COL12A1: variants seen among roughly 807,000 people sequenced by gnomAD.
COL12A1 encodes collagen type XII alpha 1 chain.
COL12A1 carries 114 observed loss-of-function variants against 349.7 expected under a neutral mutation model. The observed-to-expected ratio is 0.33, with a 90% CI of 0.28 to 0.38. The LOEUF (loss-of-function observed/expected upper bound fraction) is 0.38. Among genes scored for constraint, COL12A1 ranks in the 10% least tolerant of loss-of-function variants. COL12A1 has a pLI of 1.00. For missense variants in COL12A1, 3,284 were observed against 3,756.9 expected, an observed-to-expected ratio of 0.87 and a Z score of 3.29; for synonymous variants, 1,369 against 1,329.0, an observed-to-expected ratio of 1.03 and a Z score of -0.66.
chr6:75,201,956 G>A (rs988906606), intron 2 of COL12A1, among the ~76,000 whole-genome samples: 1 of 152,244 alleles, frequency 6.6e-6, no homozygotes, highest in Non-Finnish European at 1.5e-5. Context: ...GCAGGATGGA[G>A]CAAGGGCAGG....
chr6:75,103,032 G>A (rs1768377357), intron 55 of COL12A1, among the ~76,000 whole-genome samples: 1 of 152,008 alleles, frequency 6.6e-6, no homozygotes, highest in Non-Finnish European at 1.5e-5. Context: ...TTTATTTTAA[G>A]CTAGTCCTCA....
intron 27 of COL12A1, 89 bp downstream of exon 27, chr6:75,141,943 A>G (rs1766910939): frequency 6.7e-7 from 1 of 1,503,372 alleles, no homozygotes; most frequent in Admixed American, 1.8e-5. Flanking sequence ...CAAAGGTAGC[A>G]TTAAGAAACA....
chr6:75,131,925 G>T lies in COL12A1; in HGVS notation c.5937+15C>A. The T allele has an allele frequency of 6.2e-7, 1 of 1,612,900 alleles. No individual in the cohort carries two copies. The highest frequency in any genetic ancestry group is 1.1e-5 in the South Asian group (1 of 90,844). On this transcript the variant is annotated intron_variant, in intron 35 of 65. Coordinates refer to ENST00000322507, the MANE Select transcript of COL12A1 (RefSeq NM_004370.6). The stretch of plus-strand genomic sequence containing the variant: ...ATTCACCAGGAAATGCAGTTTCCAT[G>T]ACAAAATTACTTACAGATTCTGAGG...
chr6:75,156,540 A>G lies in COL12A1; in HGVS notation c.2984-17T>C, dbSNP rs1767777917. ...CTTGAGATACTGGGAGATAAAAGGA[A>G]GATTAAACTGTATACCATGTTGAAA... On this transcript the variant is annotated splice_polypyrimidine_tract_variant and intron_variant, in intron 14 of 65. Coordinates refer to ENST00000322507, the MANE Select transcript of COL12A1 (RefSeq NM_004370.6). 6.2e-7 allele frequency: 1 copy of G among 1,611,594 alleles called. No individual in the cohort carries two copies. The highest frequency in any genetic ancestry group is 1.3e-5 in the African/African-American group (1 of 74,856).
Position 75,184,030 on chromosome 6 carries a change from A to G in COL12A1, c.1112T>C (p.Met371Thr). ...VTGYKVILTP[M>T]TAGSRQHALS... The stretch of plus-strand genomic sequence containing the variant: ...AGCGTGCTGTCGGCTTCCTGCAGTC[A>G]TTGGTGTGAGGATGACTTTGTAGCC... Residue 371 changes from methionine to threonine, a missense_variant, in exon 9 of 66, where the codon ATG becomes ACG. Around this residue, in one of 2 missense-constraint regions of COL12A1, gnomAD observed 2,601 missense variants for 2,824.8 expected, o/e 0.92. Transcript: ENST00000322507. 1.2e-6 allele frequency: 2 copies of G among 1,614,138 alleles called. No homozygotes were observed. Among genetic ancestry groups the G allele is most frequent in the Non-Finnish European group, 1.7e-6 (2 of 1,180,028 alleles).
chr6:75,097,803 G>T (rs540522262), intron 58 of COL12A1, among the ~76,000 whole-genome samples: 2 of 152,154 alleles, frequency 1.3e-5, no homozygotes, highest in African/African-American at 4.8e-5. Context: ...TCCTTTGTCT[G>T]CTGGGAATTG....
intron 51 of COL12A1, 79 bp downstream of exon 51, chr6:75,113,125 A>T: frequency 1.4e-6 from 1 of 718,612 alleles, no homozygotes; most frequent in Non-Finnish European, 2.1e-6. Context: ...CTGCCAATTT[A>T]ACATGACATT....
chr6:75,116,201 C>T, intron 47 of COL12A1, 144 bp from the exon 48 acceptor site: 2 of 794,074 alleles, frequency 2.5e-6, no homozygotes, highest in Non-Finnish European at 2.0e-6. Context: ...ATATTTTATA[C>T]ATTATTTCTT....
chr6:75,165,227 CT>C (rs1251847878), intron 14 of COL12A1, among the ~76,000 whole-genome samples: 1 of 151,484 alleles, frequency 6.6e-6, no homozygotes. Context: ...AGCTTCTGGT[CT>C]TTTTACTAGT....
chr6:75,119,795 G>A (rs1454115087), intron 44 of COL12A1, among the ~76,000 whole-genome samples: 2 of 152,194 alleles, frequency 1.3e-5, no homozygotes, highest in African/African-American at 4.8e-5. Context: ...GATTAGACAT[G>A]AGAACATACC....
intron 64 of COL12A1, 91 bp downstream of exon 64, chr6:75,089,013 AAG>A: frequency 1.0e-6 from 1 of 994,808 alleles, no homozygotes; most frequent in Admixed American, 2.4e-5. Context: ...AAACAAAAAA[AAG>A]AATAACAGGA....
At chr6:75,151,057 T>TGGGC in intron 21 of COL12A1, 84 bp downstream of exon 21, 5 of 426,060 alleles carry the variant, frequency 1.2e-5, no homozygotes, top group Non-Finnish European at 2.3e-5. Flanking sequence ...CACAAAATAG[T>TGGGC]GCCCTCCCCC....
intron 14 of COL12A1, among the ~76,000 whole-genome samples, chr6:75,159,554 T>C (rs1268642905): frequency 6.6e-6 from 1 of 151,106 alleles, no homozygotes; most frequent in East Asian, 1.9e-4. Context: ...AATAATCTAT[T>C]TGGATTATTA....
rs572216195 is a variant in COL12A1 at position 75,189,294 on chromosome 6, G to A, written c.746C>T (p.Thr249Met). The part of the protein sequence containing the change: ...VGFPKVAIII[T>M]DGKSQDEVEI... ...CACTTCATCCTGGGATTTTCCATCC[G>A]TAATAATAATTGCCACTTTAGGAAA... The change falls in exon 7 of 66, where the codon ACG becomes ATG. Residue 249 changes from threonine to methionine, a missense_variant. Physicochemically the swap from Thr to Met is moderately conservative, Grantham distance 81 (BLOSUM62 -1). This residue lies in a region of COL12A1 where 2,601 missense variants were observed against 2,824.8 expected (regional missense o/e 0.92). Transcript: ENST00000322507. 25 of 1,613,046 alleles carry A rather than the reference G, an allele frequency of 1.5e-5. No individual in the cohort carries two copies. Among genetic ancestry groups the A allele is most frequent in the East Asian group, 8.9e-5 (4 of 44,840 alleles).
chr6:75,178,056 T>C, intron 11 of COL12A1, 121 bp from the exon 12 acceptor site: 1 of 927,876 alleles, frequency 1.1e-6, no homozygotes, highest in Non-Finnish European at 1.6e-6. Flanking sequence ...CCATGAGCAA[T>C]TTATTTGCAA....
chr6:75,122,742 A>G (rs932092263), intron 43 of COL12A1, among the ~76,000 whole-genome samples: 1 of 152,254 alleles, frequency 6.6e-6, no homozygotes, highest in Non-Finnish European at 1.5e-5. Flanking sequence ...GCATATGAGA[A>G]AAGAATAATA....
At chr6:75,117,578 T>C (rs1193522552) in intron 46 of COL12A1, 32 bp from the exon 47 acceptor site, 2 of 1,598,812 alleles carry the variant, frequency 1.3e-6, no homozygotes, top group Admixed American at 1.7e-5. Flanking sequence ...ATGAATCACG[T>C]ATCTCTTTTT....
rs1213911974 is a variant in COL12A1, at chr6:75,128,385, G to C, written c.6251C>G (p.Pro2084Arg). 6.2e-7 allele frequency: 1 copy of C among 1,608,290 alleles called. No homozygotes were observed. The highest frequency in any genetic ancestry group is 1.7e-5 in the Admixed American group (1 of 59,280). ...PGRRNNVILQ[P>R]LQPDTPYKIT... ...TTTATATGGAGTGTCAGGTTGCAGG[G>C]GCTGCAGTATTACATTGTTTCTTCT... Residue 2084 changes from proline (P) to arginine (R), a missense_variant, in exon 38 of 66, where the codon CCC (proline) becomes CGC (arginine). Coordinates refer to ENST00000322507, the MANE Select transcript of COL12A1 (RefSeq NM_004370.6).
At chr6:75,165,452 G>C (rs981244008) in intron 14 of COL12A1, 55 bp downstream of exon 14, 2 of 1,576,160 alleles carry the variant, frequency 1.3e-6, no homozygotes, top group Non-Finnish European at 1.7e-6. Context: ...CACTTGAGCT[G>C]ATAACTATTG....
Sources: allele counts gnomAD v4.1 joint callset (sites outside exome capture counted in the v4.1 genomes callset), GRCh38; gene constraint gnomAD v4.1.1; regional missense constraint gnomAD v4.1.1; transcripts MANE v1.5; gene names NCBI Gene and HGNC (gene_info 2026-07-23, HGNC 2026-07-21).